The following AMTN variants were observed in gnomAD, a reference collection of about 807,000 sequenced individuals.
The protein encoded by AMTN is amelotin.
A neutral mutation model predicts 27.4 loss-of-function variants in AMTN; 29 were observed. That is an observed-to-expected ratio of 1.06 (90% CI 0.79 to 1.44). The LOEUF is 1.44. Among genes scored for constraint, AMTN ranks in the 40% most tolerant of loss-of-function variants. AMTN has a pLI of 0.00. For synonymous variants in AMTN, 86 were observed against 95.7 expected (o/e 0.90, Z 0.59); for missense variants, 247 against 248.8 (o/e 0.99, Z 0.05).
intron 8 of AMTN, among the ~76,000 whole-genome samples, chr4:70,531,594 C>T (rs1736225925): frequency 6.6e-6 from 1 of 152,068 alleles, no homozygotes; most frequent in Non-Finnish European, 1.5e-5. Flanking sequence ...CTCACTGCAA[C>T]CTCCGTCTCC....
chr4:70,522,299 A>G (rs369446952), intron 2 of AMTN, among the ~76,000 whole-genome samples: 6 of 151,506 alleles, frequency 4.0e-5, no homozygotes, highest in African/African-American at 1.2e-4. Flanking sequence ...CAGGCCAGGA[A>G]GAAAAACTGA....
chr4:70,521,640 C>CTTTTTTTTTTTTTTTTTT lies in AMTN; in HGVS notation c.55-1096_55-1079dup, dbSNP rs763143860. On this transcript the variant is annotated intron_variant, in intron 2 of 8. Coordinates refer to ENST00000339336, the MANE Select transcript of AMTN (RefSeq NM_212557.4). Reference sequence around the variant, plus strand: ...CCTAGAACAGATAATACCAACCTCTCTTTTTTTTTTTTTTTTTTTTTTTTT... The same window carrying CTTTTTTTTTTTTTTTTTT: ...CCTAGAACAGATAATACCAACCTCTCTTTTTTTTTTTTTTTTTTTTTTTTTTTTTTTTTTTTTTTTTTT... 2.5e-4 allele frequency among the ~76,000 whole-genome samples: 19 copies of CTTTTTTTTTTTTTTTTTT among 76,466 alleles called. 3 individuals are homozygous for CTTTTTTTTTTTTTTTTTT. The highest frequency in any genetic ancestry group is 3.4e-4 in the Non-Finnish European group (15 of 43,846). The allele number at this position is 76,466 out of a possible 152,430, so 50.2% of individuals were successfully genotyped here.
chr4:70,521,640 C>CTCTT lies in AMTN; in HGVS notation c.55-1114_55-1113insCTTT, dbSNP rs1560572110. The stretch of plus-strand genomic sequence containing the variant: ...CCTAGAACAGATAATACCAACCTCT[C>CTCTT]TTTTTTTTTTTTTTTTTTTTTTTTT... On this transcript the variant is annotated intron_variant, in intron 2 of 8. Transcript: ENST00000339336. Among the ~76,000 whole-genome samples the CTCTT allele has an allele frequency of 6.5e-5, 5 of 76,468 alleles. 1 individual carries two copies. Among genetic ancestry groups the CTCTT allele is most frequent in the African/African-American group, 2.4e-4 (4 of 16,984 alleles). The allele number at this position is 76,468 out of a possible 152,430, so 50.2% of individuals were successfully genotyped here. A position where few individuals can be genotyped will look rare whatever the true frequency, so the allele number is the denominator to read the frequency against.
chr4:70,525,306 T>C (rs572650402), intron 5 of AMTN, among the ~76,000 whole-genome samples: 1 of 152,348 alleles, frequency 6.6e-6, no homozygotes, highest in South Asian at 2.1e-4. Flanking sequence ...TTGAAGACTT[T>C]CTTGGTGACC....
intron 2 of AMTN, among the ~76,000 whole-genome samples, chr4:70,521,663 T>C (rs1735972809): frequency 1.2e-5 from 1 of 80,778 alleles, no homozygotes; most frequent in South Asian, 3.8e-4. Context: ...TTTTTTTTTT[T>C]TTTTTTTTTT....
At chr4:70,526,086 A>G (rs1209361645) in intron 5 of AMTN, among the ~76,000 whole-genome samples, 3 of 152,180 alleles carry the variant, frequency 2.0e-5, no homozygotes, top group Admixed American at 2.0e-4. Flanking sequence ...TTAATTATAA[A>G]GAATTTAGGA....
intron 7 of AMTN, 65 bp from the exon 8 acceptor site, chr4:70,530,974 C>T: frequency 1.3e-6 from 2 of 1,576,710 alleles, no homozygotes; most frequent in Non-Finnish European, 1.7e-6. Context: ...AACTTGCTCC[C>T]CTTAAAAGAG....
chr4:70,523,373 C>T (rs1180325745), intron 3 of AMTN, among the ~76,000 whole-genome samples: 1 of 152,164 alleles, frequency 6.6e-6, no homozygotes, highest in Non-Finnish European at 1.5e-5. Flanking sequence ...TGCCCTCCCT[C>T]CCACTTCAAC....
intron 2 of AMTN, among the ~76,000 whole-genome samples, chr4:70,519,127 AT>A (rs1735890058): frequency 6.6e-6 from 1 of 152,220 alleles, no homozygotes; most frequent in Non-Finnish European, 1.5e-5. Context: ...GTGGATGATT[AT>A]TTTATTTTCC....
At chr4:70,518,858 G>GC (rs1157225394) in intron 2 of AMTN, 27 bp downstream of exon 2, 1 of 1,586,626 alleles carries the variant, frequency 6.3e-7, no homozygotes, top group Admixed American at 1.7e-5. Flanking sequence ...TGTTTTATAT[G>GC]CCAGCCAGTT....
In AMTN at chr4:70,529,208, T is replaced by G; in HGVS notation, c.355T>G (p.Leu119Val). The G allele has an allele frequency of 1.9e-6, 3 of 1,546,290 alleles. No homozygotes were observed. The highest frequency in any genetic ancestry group is 8.7e-7 in the Non-Finnish European group (1 of 1,151,310). Residue 119 changes from leucine (L) to valine (V), a missense_variant and splice_region_variant, in exon 7 of 9, where the codon TTG becomes GTG. Coordinates refer to ENST00000339336, the MANE Select transcript of AMTN (RefSeq NM_212557.4). ...GGGCACTATCCTAAGCTCAGAGGAA[T>G]TGGTAAAAAAAATAAAAATACTATT... is the stretch of plus-strand genomic sequence containing the variant. ...AQGTILSSEELPQIFTSLIIH... is the reference protein window; with the variant it reads ...AQGTILSSEEVPQIFTSLIIH...
chr4:70,529,272 T>C, intron 7 of AMTN, 62 bp downstream of exon 7: 1 of 1,260,548 alleles, frequency 7.9e-7, no homozygotes, highest in Non-Finnish European at 1.1e-6. Context: ...TTTTCTGTCC[T>C]CATATAGTCT....
chr4:70,518,739 A>AGTAACAGTTTTTT, intron 1 of AMTN, 24 bp from the exon 2 acceptor site: 1 of 1,445,302 alleles, frequency 6.9e-7, no homozygotes, highest in African/African-American at 1.4e-5. Context: ...TACATGGAAG[A>AGTAACAGTTTTTT]GTAACACTTT....
At chr4:70,532,139 T>C (rs919128768) in intron 8 of AMTN, among the ~76,000 whole-genome samples, 3 of 152,162 alleles carry the variant, frequency 2.0e-5, no homozygotes, top group African/African-American at 7.2e-5. Context: ...ACCTTCCTAC[T>C]GTAATACTGC....
Position 70,524,903 on chromosome 4 carries a change from C to A in AMTN, c.236C>A (p.Thr79Asn), listed in dbSNP as rs1736066752. 1 of 1,613,928 alleles carries A rather than the reference C, an allele frequency of 6.2e-7. No individual in the cohort carries two copies. The highest frequency in any genetic ancestry group is 1.1e-5 in the South Asian group (1 of 91,072). The change falls in exon 5 of 9, where the codon ACC (threonine) becomes AAC (asparagine). Residue 79 changes from threonine (T) to asparagine (N), a missense_variant. By Grantham distance (65) the Thr-to-Asn change is moderately conservative. Transcript: ENST00000339336. ...LNPAAGMTPGTQTHPLTLGGL... is the reference protein window; with the variant it reads ...LNPAAGMTPGNQTHPLTLGGL... ...CCTGCTGCAGGAATGACACCTGGTA[C>A]CCAGACCCACCCATTGACCCTGGGA... is the stretch of plus-strand genomic sequence containing the variant.
intron 8 of AMTN, among the ~76,000 whole-genome samples, chr4:70,532,055 C>T (rs535903603): frequency 8.5e-5 from 13 of 152,330 alleles, no homozygotes; most frequent in Non-Finnish European, 1.3e-4. Context: ...TACACACACA[C>T]GCACATAGAA....
At chr4:70,529,259 A>G in intron 7 of AMTN, 49 bp downstream of exon 7, 2 of 1,387,108 alleles carry the variant, frequency 1.4e-6, no homozygotes, top group Non-Finnish European at 1.9e-6. Flanking sequence ...TTCTATCACA[A>G]TGTTTTCTGT....
chr4:70,522,946 T>G, intron 3 of AMTN, 108 bp downstream of exon 3: 1 of 1,078,988 alleles, frequency 9.3e-7, no homozygotes, highest in Non-Finnish European at 1.4e-6. Context: ...AAATCAAAAT[T>G]TACATGAAGA....
At chr4:70,527,458 A>G (rs1451981626) in intron 5 of AMTN, among the ~76,000 whole-genome samples, 4 of 152,062 alleles carry the variant, frequency 2.6e-5, no homozygotes, top group Admixed American at 6.5e-5. Flanking sequence ...CCACTTTCCC[A>G]TTGCCACGTG....
Sources: allele counts gnomAD v4.1 joint callset (sites outside exome capture counted in the v4.1 genomes callset), GRCh38; gene constraint gnomAD v4.1.1; transcripts MANE v1.5; gene names NCBI Gene and HGNC (gene_info 2026-07-23, HGNC 2026-07-21).